Variants in CLPB observed in about 807,000 individuals in gnomAD.
The protein encoded by CLPB is mitochondrial disaggregase.
Under a neutral mutation model 78.4 loss-of-function variants are expected in CLPB, and 40 were observed. The ratio of observed to expected loss-of-function variants is 0.51; its 90% confidence interval spans 0.40 to 0.66. CLPB has a LOEUF of 0.66. Among genes scored for constraint, CLPB ranks in the 30% least tolerant of loss-of-function variants. The pLI is 0.00. For synonymous variants in CLPB, 333 were observed against 348.0 expected, an observed-to-expected ratio of 0.96 and a Z score of 0.48; for missense variants, 780 against 886.9, an observed-to-expected ratio of 0.88 and a Z score of 1.53.
At chr11:72,359,033 T>C (rs1950782280) in intron 4 of CLPB, 25 bp from the exon 5 acceptor site, 1 of 1,612,044 alleles carries the variant, frequency 6.2e-7, no homozygotes, top group African/African-American at 1.3e-5. Flanking sequence ...ACACAAACCC[T>C]TCCATTAGCA....
intron 7 of CLPB, among the ~76,000 whole-genome samples, chr11:72,309,012 G>A (rs1949795813): frequency 6.6e-6 from 1 of 152,202 alleles, no homozygotes; most frequent in South Asian, 2.1e-4. Flanking sequence ...GCAAATACAA[G>A]AGGCAGAAGC....
chr11:72,294,630 G>C lies in CLPB; in HGVS notation c.1550C>G (p.Pro517Arg). ...SKNFKENVIRPILKAHFRRDE... is the reference protein window; with the variant it reads ...SKNFKENVIRRILKAHFRRDE... The stretch of plus-strand genomic sequence containing the variant: ...AGAAAGACCTCTTACTTTCAGGATA[G>C]GGCGAATCACATTCTCCTTGAAGTT... The change falls in exon 13 of 16, where the codon CCT (proline) becomes CGT (arginine). Residue 517 changes from proline (P) to arginine (R), a missense_variant. Physicochemically the swap from Pro to Arg is moderately radical, Grantham distance 103. Coordinates refer to ENST00000538039, the MANE Select transcript of CLPB (RefSeq NM_001258392.3). 2 of 1,613,990 alleles carry C rather than the reference G, an allele frequency of 1.2e-6. No homozygotes were observed. Among genetic ancestry groups the C allele is most frequent in the Non-Finnish European group, 1.7e-6 (2 of 1,179,808 alleles).
intron 3 of CLPB, among the ~76,000 whole-genome samples, chr11:72,398,533 T>C (rs1364265564): frequency 2.0e-5 from 3 of 152,054 alleles, no homozygotes; most frequent in Non-Finnish European, 4.4e-5. Context: ...TGTCCGTGTT[T>C]GGTAAAATTG....
At chr11:72,382,987 C>G (rs1217496195) in intron 3 of CLPB, among the ~76,000 whole-genome samples, 1 of 151,358 alleles carries the variant, frequency 6.6e-6, no homozygotes, top group Non-Finnish European at 1.5e-5. Flanking sequence ...CAATAAATAT[C>G]CCAAACAAAT....
intron 5 of CLPB, chr11:72,356,981 AAAGG>A (rs1317392063): frequency 2.0e-5 from 3 of 152,362 alleles, no homozygotes; most frequent in African/African-American, 7.2e-5. Flanking sequence ...TCCAACGGAC[AAAGG>A]AAGAAGCTTT....
intron 2 of CLPB, among the ~76,000 whole-genome samples, chr11:72,428,546 G>T (rs953992518): frequency 6.6e-6 from 1 of 152,122 alleles, no homozygotes; most frequent in African/African-American, 2.4e-5. Context: ...TCTGCTTCCC[G>T]CCTTTGCTTA....
intron 6 of CLPB, among the ~76,000 whole-genome samples, chr11:72,329,284 G>T (rs1168592577): frequency 6.6e-6 from 1 of 152,130 alleles, no homozygotes; most frequent in Non-Finnish European, 1.5e-5. Flanking sequence ...TAGAAAGAAT[G>T]ATGATAAGAA....
intron 4 of CLPB, among the ~76,000 whole-genome samples, chr11:72,365,261 A>C (rs1028014658): frequency 6.6e-6 from 1 of 152,170 alleles, no homozygotes; most frequent in Non-Finnish European, 1.5e-5. Context: ...AGTCAATGCT[A>C]TAGTGAGCCG....
intron 3 of CLPB, among the ~76,000 whole-genome samples, chr11:72,394,869 T>C (rs528446074): frequency 1.3e-5 from 2 of 152,292 alleles, no homozygotes; most frequent in South Asian, 4.1e-4. Context: ...GGTACTGTCC[T>C]GCACTGGGCA....
At chr11:72,418,445 TA>T (rs975319791) in intron 2 of CLPB, among the ~76,000 whole-genome samples, 14 of 152,328 alleles carry the variant, frequency 9.2e-5, no homozygotes, top group African/African-American at 3.4e-4. Context: ...AATCTAAGGT[TA>T]AAGATGTTAG....
intron 5 of CLPB, among the ~76,000 whole-genome samples, chr11:72,344,216 C>T (rs60432858): frequency 0.33 from 49,959 of 151,892 alleles, 12,688 homozygotes; most frequent in African/African-American, 0.72. Context: ...CTTAAAAAAA[C>T]ATATTTTTTT....
At position 72,297,636 on chromosome 11, in the gene CLPB, G is replaced by GGTGTGTGTGTGTGTGT. The variant is rs67807556; in HGVS notation, c.1330-2004_1330-1989dup. 9.4e-4 allele frequency among the ~76,000 whole-genome samples: 88 copies of GGTGTGTGTGTGTGTGT among 93,462 alleles called. 2 individuals are homozygous for GGTGTGTGTGTGTGTGT. The highest frequency in any genetic ancestry group is 1.5e-3 in the Non-Finnish European group (62 of 40,558). 61.3% of individuals were successfully genotyped at this position (93,462 alleles called of 152,430 possible). ...AGGGCAGTTCTAGTTTTGGGGACCA[G>GGTGTGTGTGTGTGTGT]GTGTGTGTGTGTGTGTGTGTGTGTG... On this transcript the variant is annotated intron_variant, in intron 11 of 15. Coordinates refer to ENST00000538039, the MANE Select transcript of CLPB (RefSeq NM_001258392.3).
intron 1 of CLPB, among the ~76,000 whole-genome samples, chr11:72,431,591 T>G (rs1013491543): frequency 3.9e-5 from 6 of 152,172 alleles, no homozygotes; most frequent in African/African-American, 1.4e-4. Context: ...GACAGGTCCT[T>G]TCTACTTACC....
At chr11:72,414,604 C>T (rs1367333173) in intron 2 of CLPB, among the ~76,000 whole-genome samples, 2 of 152,336 alleles carry the variant, frequency 1.3e-5, no homozygotes, top group South Asian at 2.1e-4. Context: ...CATCTCCAAG[C>T]TAGCCTCTGT....
chr11:72,291,630 C>T lies in CLPB; in HGVS notation c.*1737G>A, dbSNP rs1229928857. On this transcript the variant is annotated 3_prime_UTR_variant, in exon 16 of 16. Transcript: ENST00000538039. ...GCAATTTCCTGGTTTTGATAAACTA[C>T]AGTATGGCTTTGTAGGATGTAATCA... 2 of 151,982 alleles carry T rather than the reference C, an allele frequency of 1.3e-5. No individual in the cohort carries two copies. Among genetic ancestry groups the T allele is most frequent in the African/African-American group, 4.8e-5 (2 of 41,366 alleles). 9.4% of individuals were successfully genotyped at this position (151,982 alleles called of 1,614,324 possible). A position where few individuals can be genotyped will look rare whatever the true frequency, so the allele number is the denominator to read the frequency against.
chr11:72,321,923 G>A (rs1314587579), intron 6 of CLPB, among the ~76,000 whole-genome samples: 3 of 151,402 alleles, frequency 2.0e-5, no homozygotes, highest in Non-Finnish European at 4.4e-5. Context: ...AGAGGCCTGG[G>A]AAGGGAGGTC....
At chr11:72,402,384 T>C (rs1395181784) in intron 3 of CLPB, among the ~76,000 whole-genome samples, 1 of 152,210 alleles carries the variant, frequency 6.6e-6, no homozygotes, top group Non-Finnish European at 1.5e-5. Context: ...AGCTACAAAA[T>C]GAGCATAATA....
chr11:72,347,664 G>C (rs183729725), intron 5 of CLPB, among the ~76,000 whole-genome samples: 1 of 152,070 alleles, frequency 6.6e-6, no homozygotes, highest in Admixed American at 6.6e-5. Flanking sequence ...AAATATCTCC[G>C]AGAGTGTGAT....
At chr11:72,402,874 C>G (rs1342848760) in intron 3 of CLPB, 92 bp downstream of exon 3, 1 of 1,000,620 alleles carries the variant, frequency 1.0e-6, no homozygotes, top group Non-Finnish European at 1.5e-6. Flanking sequence ...CTGGAAAAGA[C>G]AGCAGGGAGG....
Sources: allele counts gnomAD v4.1 joint callset (sites outside exome capture counted in the v4.1 genomes callset), GRCh38; gene constraint gnomAD v4.1.1; transcripts MANE v1.5; gene names NCBI Gene and HGNC (gene_info 2026-07-23, HGNC 2026-07-21).